The following LRGUK variants were observed in gnomAD, a reference collection of about 807,000 sequenced individuals.
The protein encoded by LRGUK is leucine-rich repeat and guanylate kinase domain-containing protein.
A neutral mutation model predicts 76.0 loss-of-function variants in LRGUK; 65 were observed. That is an observed-to-expected ratio of 0.85 (90% CI 0.70 to 1.05). The LOEUF (loss-of-function observed/expected upper bound fraction) is 1.05. Among genes scored for constraint, LRGUK ranks in the 50% least tolerant of loss-of-function variants. The probability of loss-of-function intolerance (pLI) is 0.00; values close to 1 mark genes in which losing one functional copy is unlikely to be tolerated. For synonymous variants in LRGUK, 268 were observed against 265.6 expected, an observed-to-expected ratio of 1.01 and a Z score of -0.09; for missense variants, 758 against 732.8, an observed-to-expected ratio of 1.03 and a Z score of -0.40.
chr7:134,210,273 T>C (rs1161892128), downstream of LRGUK: 1 of 398,676 alleles, frequency 2.5e-6, no homozygotes, highest in Admixed American at 4.4e-5. Context: ...AGTGTGTAAC[T>C]GTTACAAATT....
intron 13 of LRGUK, among the ~76,000 whole-genome samples, chr7:134,198,076 G>GT (rs967498453): frequency 3.0e-5 from 2 of 65,758 alleles, no homozygotes; most frequent in Non-Finnish European, 4.5e-5. Context: ...GGCTCTTTGT[G>GT]TTGGTATAAG....
chr7:134,238,969 T>C (rs935128727), intron 16 of LRGUK, among the ~76,000 whole-genome samples: 2 of 152,184 alleles, frequency 1.3e-5, no homozygotes, highest in African/African-American at 4.8e-5. Flanking sequence ...TCCATTCTAA[T>C]ACATTTTTAT....
downstream of LRGUK, among the ~76,000 whole-genome samples, chr7:134,268,289 G>A (rs1260608550): frequency 6.6e-6 from 1 of 152,024 alleles, no homozygotes; most frequent in East Asian, 1.9e-4. Context: ...AATAGGGGAT[G>A]AAACTACAGA....
At chr7:134,129,053 TTTTC>T (rs913292145) in intron 1 of LRGUK, among the ~76,000 whole-genome samples, 17 of 149,762 alleles carry the variant, frequency 1.1e-4, no homozygotes, top group African/African-American at 2.3e-4. Context: ...TTCTTTTCTT[TTTTC>T]TTTCTTTCTC....
intron 15 of LRGUK, among the ~76,000 whole-genome samples, chr7:134,219,324 C>G (rs1311294838): frequency 1.3e-5 from 2 of 152,076 alleles, no homozygotes; most frequent in African/African-American, 2.4e-5. Context: ...TTATCTTCAC[C>G]CAAAACGTTT....
the LRGUK span, among the ~76,000 whole-genome samples, chr7:134,272,702 T>G: frequency 1.3e-5 from 2 of 152,112 alleles, no homozygotes; most frequent in African/African-American, 2.4e-5. Flanking sequence ...GTATAAGAAA[T>G]GAAAATTACT....
intron 11 of LRGUK, among the ~76,000 whole-genome samples, chr7:134,190,124 G>T (rs1800137861): frequency 1.3e-5 from 2 of 152,118 alleles, no homozygotes; most frequent in Non-Finnish European, 2.9e-5. Context: ...ATAAAAATAA[G>T]AAATAATACC....
chr7:134,131,466 C>G (rs1797303479), intron 1 of LRGUK, among the ~76,000 whole-genome samples: 1 of 152,194 alleles, frequency 6.6e-6, no homozygotes, highest in Admixed American at 6.5e-5. Flanking sequence ...ACATGGAAGA[C>G]TTCAGGGGAA....
chr7:134,233,672 G>A (rs1801952086), intron 16 of LRGUK, among the ~76,000 whole-genome samples: 1 of 152,162 alleles, frequency 6.6e-6, no homozygotes, highest in Non-Finnish European at 1.5e-5. Flanking sequence ...GAAGAAAAAT[G>A]CCTTCTTTTA....
intron 7 of LRGUK, among the ~76,000 whole-genome samples, chr7:134,170,717 A>G (rs1188050193): frequency 6.6e-6 from 1 of 152,172 alleles, no homozygotes; most frequent in Non-Finnish European, 1.5e-5. Flanking sequence ...ACTTTTTCCA[A>G]TATCTAATAG....
At chr7:134,245,479 A>G (rs576767877) in intron 16 of LRGUK, among the ~76,000 whole-genome samples, 3 of 152,308 alleles carry the variant, frequency 2.0e-5, no homozygotes, top group African/African-American at 7.2e-5. Flanking sequence ...GATACCATGC[A>G]GGTGTTGTGG....
rs1427616614 is a variant in LRGUK, at chr7:134,157,608, C to T, written c.671-427C>T. ...CGCGATCTCTGCTCATTGCAAGCTC[C>T]GCCTCCCGGGTTCACGCCGTTATCC... On this transcript the variant is annotated intron_variant, in intron 5 of 15. Coordinates refer to ENST00000645682, the Ensembl canonical transcript of LRGUK. Among the ~76,000 whole-genome samples the T allele has an allele frequency of 3.3e-5, 5 of 152,200 alleles. No homozygotes were observed. The South Asian group carries it at 6.2e-4, about 19-fold the overall frequency.
intron 17 of LRGUK, among the ~76,000 whole-genome samples, chr7:134,248,413 T>C (rs1490657772): frequency 6.6e-6 from 1 of 152,154 alleles, no homozygotes; most frequent in Admixed American, 6.5e-5. Flanking sequence ...AACAGCAGGG[T>C]TTATTCACGA....
chr7:134,132,467 T>C (rs1797354926), intron 1 of LRGUK, among the ~76,000 whole-genome samples: 1 of 152,140 alleles, frequency 6.6e-6, no homozygotes, highest in African/African-American at 2.4e-5. Context: ...ATTGGAGACA[T>C]TGGCCCACGT....
intron 11 of LRGUK, 110 bp from the exon 12 acceptor site, chr7:134,191,545 T>G: frequency 1.3e-6 from 1 of 768,384 alleles, no homozygotes; most frequent in Non-Finnish European, 2.2e-6. Flanking sequence ...ACTTTATGAT[T>G]TATGATTTGT....
At chr7:134,138,944 G>A (rs918843942) in intron 2 of LRGUK, among the ~76,000 whole-genome samples, 1 of 152,140 alleles carries the variant, frequency 6.6e-6, no homozygotes, top group African/African-American at 2.4e-5. Context: ...TTTCACAGGT[G>A]TGTTTGATCA....
intron 15 of LRGUK, among the ~76,000 whole-genome samples, chr7:134,219,697 T>G (rs1801528508): frequency 6.6e-6 from 1 of 151,018 alleles, no homozygotes; most frequent in Non-Finnish European, 1.5e-5. Context: ...TCTCTCTGTC[T>G]CTCTCTCTCT....
intron 19 of LRGUK, among the ~76,000 whole-genome samples, chr7:134,262,321 C>G (rs1802749247): frequency 6.6e-6 from 1 of 152,128 alleles, no homozygotes; most frequent in Non-Finnish European, 1.5e-5. Context: ...TTGCAGTGAG[C>G]CAAGATTGTG....
chr7:134,250,031 G>A (rs1483348421), intron 18 of LRGUK, among the ~76,000 whole-genome samples: 2 of 152,076 alleles, frequency 1.3e-5, no homozygotes, highest in Admixed American at 6.6e-5. Flanking sequence ...TCTGTGGTCA[G>A]ACCAGTGACA....
Sources: gnomAD v4.1 joint callset for allele counts (sites outside exome capture counted in the v4.1 genomes callset) on GRCh38, gnomAD v4.1.1 for gene constraint, MANE v1.5 for transcripts, NCBI Gene and HGNC (gene_info 2026-07-23, HGNC 2026-07-21) for gene names.